The following PLD1 variants were observed in gnomAD, a reference collection of about 807,000 sequenced individuals.
PLD1 encodes phospholipase D1.
Under a neutral mutation model 137.1 loss-of-function variants are expected in PLD1, and 112 were observed. The ratio of observed to expected loss-of-function variants is 0.82; its 90% CI spans 0.70 to 0.96. The LOEUF is 0.96. Among genes scored for constraint, PLD1 ranks in the 40% least tolerant of loss-of-function variants. PLD1 has a pLI of 0.00. For synonymous variants in PLD1, 431 were observed against 454.7 expected, an observed-to-expected ratio of 0.95 and a Z score of 0.66; for missense variants, 1,321 against 1,342.0, an observed-to-expected ratio of 0.98 and a Z score of 0.24.
chr3:171,681,139 C>T (rs766420938), intron 16 of PLD1, among the ~76,000 whole-genome samples: 10 of 152,296 alleles, frequency 6.6e-5, no homozygotes, highest in Non-Finnish European at 1.5e-4. Context: ...TTTTTCATAG[C>T]TGATTTTCAC....
At chr3:171,677,478 G>A in intron 17 of PLD1, 88 bp downstream of exon 17, 4 of 1,285,098 alleles carry the variant, frequency 3.1e-6, no homozygotes, top group South Asian at 1.6e-5. Flanking sequence ...AAAACAAAAG[G>A]CATTTAGATC....
chr3:171,631,187 A>G (rs1369317281), intron 23 of PLD1, among the ~76,000 whole-genome samples: 1 of 152,184 alleles, frequency 6.6e-6, no homozygotes, highest in Non-Finnish European at 1.5e-5. Flanking sequence ...GTATACCCTT[A>G]GGCTAAAGGC....
chr3:171,642,297 A>G (rs941971507), intron 23 of PLD1, among the ~76,000 whole-genome samples: 14 of 151,944 alleles, frequency 9.2e-5, no homozygotes, highest in Non-Finnish European at 1.9e-4. Context: ...TCTACTAAAA[A>G]TACAAAAAAA....
chr3:171,710,412 G>T (rs555529271), intron 9 of PLD1, among the ~76,000 whole-genome samples: 1 of 152,290 alleles, frequency 6.6e-6, no homozygotes, highest in East Asian at 1.9e-4. Flanking sequence ...ATGGGGAGTA[G>T]TTTCGAGATG....
At position 171,636,800 on chromosome 3, in the gene PLD1, T is replaced by A. The variant is rs188036063; in HGVS notation, c.2593+6040A>T. 1.6e-3 allele frequency among the ~76,000 whole-genome samples: 237 copies of A among 152,252 alleles called. 1 individual carries two copies. The highest frequency in any genetic ancestry group is 5.5e-3 in the African/African-American group (228 of 41,550). ...GTTGTGGCTAAAACCTCCAGTACGA[T>A]GTTGACAAAAGTGAACTTTCTCATC... On this transcript the variant is annotated intron_variant, in intron 23 of 26. Transcript: ENST00000351298.
At chr3:171,618,043 C>T (rs1008582844) in intron 24 of PLD1, among the ~76,000 whole-genome samples, 5 of 151,778 alleles carry the variant, frequency 3.3e-5, no homozygotes, top group African/African-American at 9.7e-5. Flanking sequence ...GAGTTTCCAC[C>T]GAGATAAAAA....
chr3:171,746,082 T>A (rs4519730), intron 1 of PLD1, among the ~76,000 whole-genome samples: 4 of 151,902 alleles, frequency 2.6e-5, no homozygotes, highest in African/African-American at 9.7e-5. Context: ...CCCGCCCCAC[T>A]GCGCTTGAAT....
chr3:171,604,839 T>G (rs1052511803), intron 26 of PLD1, among the ~76,000 whole-genome samples: 3 of 152,238 alleles, frequency 2.0e-5, no homozygotes, highest in African/African-American at 4.8e-5. Context: ...TTCTTTGTCC[T>G]CATAACTACC....
In PLD1 at chr3:171,605,280, G is replaced by A; in HGVS notation, c.3000+19C>T. 2.4e-6 allele frequency: 3 copies of A among 1,267,778 alleles called. No individual in the cohort carries two copies. The highest frequency in any genetic ancestry group is 1.7e-5 in the Admixed American group (1 of 59,556). 78.5% of individuals were successfully genotyped at this position (1,267,778 alleles called of 1,614,324 possible). On this transcript the variant is annotated intron_variant, in intron 26 of 26. Coordinates refer to ENST00000351298, the MANE Select transcript of PLD1 (RefSeq NM_002662.5). ...GATTCAGTGAAAAGAAACGGAGGAG[G>A]GGAATACGTGAACTTCACCTTGTCA...
intron 24 of PLD1, among the ~76,000 whole-genome samples, chr3:171,615,480 C>T (rs1733027339): frequency 6.6e-6 from 1 of 152,180 alleles, no homozygotes; most frequent in East Asian, 1.9e-4. Context: ...TACCACATCC[C>T]AGAAGGCTTT....
chr3:171,637,338 C>G (rs1273754815), intron 23 of PLD1, among the ~76,000 whole-genome samples: 1 of 152,226 alleles, frequency 6.6e-6, no homozygotes, highest in Non-Finnish European at 1.5e-5. Context: ...CGGGTTCAAG[C>G]GATTCTCGTG....
chr3:171,693,229 A>G (rs1216461926), intron 12 of PLD1, among the ~76,000 whole-genome samples: 2 of 152,260 alleles, frequency 1.3e-5, no homozygotes, highest in Non-Finnish European at 2.9e-5. Context: ...GTAGTTCATG[A>G]GCATGATGAT....
intron 23 of PLD1, among the ~76,000 whole-genome samples, chr3:171,633,716 G>C (rs1266301845): frequency 6.6e-6 from 1 of 152,124 alleles, no homozygotes; most frequent in Non-Finnish European, 1.5e-5. Context: ...AATTGTTACA[G>C]GCTTTCGTTC....
intron 13 of PLD1, among the ~76,000 whole-genome samples, chr3:171,691,298 C>T (rs771857612): frequency 1.3e-5 from 2 of 152,078 alleles, no homozygotes; most frequent in Non-Finnish European, 2.9e-5. Flanking sequence ...GGGGTCAATA[C>T]ATTTACATTT....
At chr3:171,692,969 A>T (rs962451284) in intron 12 of PLD1, among the ~76,000 whole-genome samples, 7 of 152,264 alleles carry the variant, frequency 4.6e-5, no homozygotes, top group African/African-American at 1.7e-4. Flanking sequence ...ACAACTGGTC[A>T]TATCAAGAAA....
At chr3:171,689,814 T>C (rs1158724947) in intron 13 of PLD1, among the ~76,000 whole-genome samples, 1 of 152,258 alleles carries the variant, frequency 6.6e-6, no homozygotes, top group Non-Finnish European at 1.5e-5. Flanking sequence ...ACTGTTTTCT[T>C]AATAACACAT....
At chr3:171,747,291 G>A (rs1720297559) in intron 1 of PLD1, among the ~76,000 whole-genome samples, 1 of 152,172 alleles carries the variant, frequency 6.6e-6, no homozygotes, top group Non-Finnish European at 1.5e-5. Context: ...TTAAGTTGCT[G>A]GCAGATGCAT....
intron 1 of PLD1, among the ~76,000 whole-genome samples, chr3:171,745,673 G>A (rs904699817): frequency 3.3e-5 from 5 of 152,220 alleles, no homozygotes; most frequent in African/African-American, 9.6e-5. Flanking sequence ...ACATCAGGGG[G>A]GTAAGAGGAG....
chr3:171,629,524 C>T (rs1297267619), intron 23 of PLD1, among the ~76,000 whole-genome samples: 3 of 151,890 alleles, frequency 2.0e-5, no homozygotes, highest in South Asian at 2.1e-4. Context: ...TTAAAGTTCA[C>T]ATGGAACCAA....
Sources: allele counts gnomAD v4.1 joint callset (sites outside exome capture counted in the v4.1 genomes callset), GRCh38; gene constraint gnomAD v4.1.1; transcripts MANE v1.5; gene names NCBI Gene and HGNC (gene_info 2026-07-23, HGNC 2026-07-21).